The following OSBPL5 variants were observed in gnomAD, a reference collection of about 807,000 sequenced individuals.
OSBPL5 encodes the protein oxysterol-binding protein-related protein 5.
In OSBPL5, 71 loss-of-function variants were observed where a neutral mutation model predicts 111.2. The observed-to-expected ratio is 0.64, with a 90% CI of 0.53 to 0.78. OSBPL5 has a LOEUF of 0.78. Ranked by LOEUF, OSBPL5 falls within the 30% of genes least tolerant of loss-of-function variation. The pLI is 0.00. For synonymous variants in OSBPL5, 549 were observed against 513.9 expected (o/e 1.07, Z -0.93); for missense variants, 1,210 against 1,189.3 (o/e 1.02, Z -0.26).
At chr11:3,120,200 C>G (rs1295833206) in intron 6 of OSBPL5, among the ~76,000 whole-genome samples, 3 of 152,172 alleles carry the variant, frequency 2.0e-5, no homozygotes, top group Admixed American at 6.5e-5. Context: ...GCTGGGGTGA[C>G]CTTGATGCCA....
chr11:3,122,573 C>A (rs1006981686), intron 3 of OSBPL5, 145 bp from the exon 4 acceptor site: 5 of 674,806 alleles, frequency 7.4e-6, no homozygotes, highest in South Asian at 6.3e-5. Context: ...CTCCATCCCC[C>A]CCACCAGCAC....
chr11:3,095,886 T>C (rs549602650), intron 14 of OSBPL5, among the ~76,000 whole-genome samples: 13 of 152,262 alleles, frequency 8.5e-5, no homozygotes, highest in African/African-American at 3.1e-4. Flanking sequence ...TGTCCACTAA[T>C]GTCACAAGGA....
chr11:3,150,535 G>T (rs1846547395), intron 1 of OSBPL5, among the ~76,000 whole-genome samples: 2 of 152,152 alleles, frequency 1.3e-5, no homozygotes, highest in South Asian at 4.1e-4. Context: ...GCAAGACAGG[G>T]GTCAGGAGGC....
In OSBPL5 at chr11:3,104,257, G is replaced by A. The variant is rs775213446; in HGVS notation, c.1180C>T (p.Leu394=). The change falls in exon 10 of 22, where the codon CTG becomes TTG. Residue 394 remains leucine, a synonymous_variant. Transcript: ENST00000263650. This position sits in a 1 kb window ranked among gnomAD's most constrained non-coding sequence, Gnocchi z 5.0. ...LSRVVLPTFV[L]EPRSFLNKLS... ...TTGTTCAGGAAGGAGCGCGGCTCCA[G>A]TACGAACGTGGGTAGCACCACGCGG... 1.9e-6 allele frequency: 3 copies of A among 1,613,754 alleles called. No individual in the cohort carries two copies. The highest frequency in any genetic ancestry group is 1.1e-5 in the South Asian group (1 of 91,084).
rs140904154 is a variant in OSBPL5 at position 3,107,929 on chromosome 11, G to A, written c.708C>T (p.Asp236=). 7.2e-5 allele frequency: 115 copies of A among 1,599,976 alleles called. No homozygotes were observed. The African/African-American group carries it at 1.1e-3, about 15-fold the overall frequency. Reference sequence around the variant, plus strand: ...AGCAGCGCAGGGCCAGCTCCAGGGCGTCCAGCCAGCAGCGACCTGCGGGGC... The same window carrying A: ...AGCAGCGCAGGGCCAGCTCCAGGGCATCCAGCCAGCAGCGACCTGCGGGGC... ...ASESDGRCWL[D]ALELALRCSS... The change falls in exon 8 of 22, where the codon GAC becomes GAT. Residue 236 remains aspartate (D), a synonymous_variant. Coordinates refer to ENST00000263650, the MANE Select transcript of OSBPL5 (RefSeq NM_020896.4). This position sits in a 1 kb window ranked among gnomAD's most constrained non-coding sequence, Gnocchi z 6.1.
chr11:3,138,520 C>T (rs1343645219), intron 1 of OSBPL5, among the ~76,000 whole-genome samples: 1 of 152,236 alleles, frequency 6.6e-6, no homozygotes, highest in Non-Finnish European at 1.5e-5. Flanking sequence ...CAATCTCAAA[C>T]CCGCCACGCT....
chr11:3,088,286 G>T lies in OSBPL5; in HGVS notation c.2559C>A (p.Gly853=). 1 of 1,607,850 alleles carries T rather than the reference G, an allele frequency of 6.2e-7. No homozygotes were observed. ...ACCAGGATCGGGGGCTCTGCAGGAG[G>T]CCTGGGGTCGGTGCCTGTGCTGCCC... ...TARAAQAPTP[G]LLQSPRSWFL... Residue 853 remains glycine (G), a synonymous_variant, in exon 22 of 22, where the codon GGC becomes GGA. Transcript: ENST00000263650.
rs993465764 is a variant in OSBPL5 at position 3,154,194 on chromosome 11, C to T, written c.-22+11022G>A. 3.3e-5 allele frequency among the ~76,000 whole-genome samples: 5 copies of T among 152,358 alleles called. No homozygotes were observed. The highest frequency in any genetic ancestry group is 3.4e-3 in the Middle Eastern group (1 of 294). On this transcript the variant is annotated intron_variant, in intron 1 of 21. Coordinates refer to ENST00000263650, the MANE Select transcript of OSBPL5 (RefSeq NM_020896.4). The surrounding 1 kb of genome is among the most constrained non-coding windows in gnomAD (Gnocchi z 4.9). The stretch of plus-strand genomic sequence containing the variant: ...GGGCCAGAGGGCAAAGGTGAAGGGG[C>T]GGCTGACACACTCCAGCCCACAGAT...
rs571771853 is a variant in OSBPL5 at position 3,121,020 on chromosome 11, G to A, written c.403-396C>T. ...GGTCAAGGGCCTCAGGGAGGAACCAGCAATGAGTGGTGTGACTTGTAACTG... is the reference window on the plus strand; with the variant it reads ...GGTCAAGGGCCTCAGGGAGGAACCAACAATGAGTGGTGTGACTTGTAACTG... On this transcript the variant is annotated intron_variant, in intron 5 of 21. Transcript: ENST00000263650. The surrounding 1 kb of genome is among the most constrained non-coding windows in gnomAD (Gnocchi z 4.3). 1.5e-3 allele frequency among the ~76,000 whole-genome samples: 231 copies of A among 151,870 alleles called. 3 individuals carry two copies. The highest frequency in any genetic ancestry group is 4.1e-4 in the Non-Finnish European group (28 of 67,948).
chr11:3,144,746 C>A (rs1590716219), intron 1 of OSBPL5, among the ~76,000 whole-genome samples: 1 of 152,248 alleles, frequency 6.6e-6, no homozygotes, highest in Non-Finnish European at 1.5e-5. Context: ...CTGGAGCCAA[C>A]CCCCAGTCCC....
chr11:3,097,421 T>C (rs1172510437), intron 14 of OSBPL5, among the ~76,000 whole-genome samples: 3 of 152,180 alleles, frequency 2.0e-5, no homozygotes, highest in Admixed American at 6.5e-5. Flanking sequence ...GAACTCTCCA[T>C]GAATGTGTAG....
In OSBPL5 at chr11:3,089,827, C is replaced by T; in HGVS notation, c.2501+19G>A. On this transcript the variant is annotated intron_variant, in intron 21 of 21. Coordinates refer to ENST00000263650, the MANE Select transcript of OSBPL5 (RefSeq NM_020896.4). ...CTCTCTGACCCGGAGTCTGGATGGA[C>T]ACCCTGAGTGTGGCCCACCTGTGCA... The T allele has an allele frequency of 6.4e-7, 1 of 1,551,190 alleles. No homozygotes were observed. Among genetic ancestry groups the T allele is most frequent in the Non-Finnish European group, 8.7e-7 (1 of 1,146,860 alleles).
intron 10 of OSBPL5, among the ~76,000 whole-genome samples, chr11:3,103,689 CCCCTT>C (rs1590649734): frequency 4.7e-5 from 7 of 148,996 alleles, no homozygotes; most frequent in Admixed American, 6.7e-5. Context: ...TCTCTGCAGC[CCCCTT>C]CCAGCCTGCG....
intron 1 of OSBPL5, among the ~76,000 whole-genome samples, chr11:3,158,859 G>A (rs1306896475): frequency 6.6e-6 from 1 of 152,246 alleles, no homozygotes; most frequent in Non-Finnish European, 1.5e-5. Flanking sequence ...CCTCGGGAGT[G>A]AAGAGGGAGC....
At chr11:3,096,999 G>GA (rs1857284130) in intron 14 of OSBPL5, among the ~76,000 whole-genome samples, 1 of 122,654 alleles carries the variant, frequency 8.2e-6, no homozygotes, top group Non-Finnish European at 1.6e-5. Context: ...GAGGAGAAGA[G>GA]GAAAGAGGGG....
At chr11:3,103,884 C>T (rs1412761609) in intron 10 of OSBPL5, among the ~76,000 whole-genome samples, 6 of 46,918 alleles carry the variant, frequency 1.3e-4, no homozygotes, top group Non-Finnish European at 2.1e-4. Context: ...GCCTCTGTAG[C>T]CCCATTCCTG....
chr11:3,119,718 AC>A (rs1233371187), intron 6 of OSBPL5, 87 bp from the exon 7 acceptor site: 5 of 1,254,132 alleles, frequency 4.0e-6, no homozygotes, highest in Non-Finnish European at 5.4e-6. Flanking sequence ...GCGGATCCAC[AC>A]CTGGGACCAC....
rs974384127 is a variant in OSBPL5 at position 3,142,712 on chromosome 11, C to T, written c.-21-13543G>A. Reference sequence around the variant, plus strand: ...AGGTGGAGACCTGTCCCTCTGTCTCCGTGTCCGCGGGGCCCGGCAGGAAGT... The same window carrying T: ...AGGTGGAGACCTGTCCCTCTGTCTCTGTGTCCGCGGGGCCCGGCAGGAAGT... On this transcript the variant is annotated intron_variant, in intron 1 of 21. Coordinates refer to ENST00000263650, the MANE Select transcript of OSBPL5 (RefSeq NM_020896.4). This position sits in a 1 kb window ranked among gnomAD's most constrained non-coding sequence, Gnocchi z 7.1. 6.6e-6 allele frequency among the ~76,000 whole-genome samples: 1 copy of T among 152,122 alleles called. No homozygotes were observed. The highest frequency in any genetic ancestry group is 2.4e-5 in the African/African-American group (1 of 41,420).
intron 1 of OSBPL5, among the ~76,000 whole-genome samples, chr11:3,143,179 G>A (rs1362180044): frequency 8.6e-6 from 1 of 116,946 alleles, no homozygotes; most frequent in African/African-American, 3.4e-5. Flanking sequence ...GGAGGCAGGT[G>A]CAGAGCCGGG....
Sources: allele counts gnomAD v4.1 joint callset (sites outside exome capture counted in the v4.1 genomes callset), GRCh38; gene constraint gnomAD v4.1.1; non-coding constraint Gnocchi (gnomAD v3.1); transcripts MANE v1.5; gene names NCBI Gene and HGNC (gene_info 2026-07-23, HGNC 2026-07-21).